The following HERC2 variants were observed in gnomAD, a reference collection of about 807,000 sequenced individuals.
The protein encoded by HERC2 is E3 ubiquitin-protein ligase HERC2.
A neutral mutation model predicts 537.7 loss-of-function variants in HERC2; 102 were observed. That is an observed-to-expected ratio of 0.19 (90% CI 0.16 to 0.22). The LOEUF (loss-of-function observed/expected upper bound fraction) is 0.22, where lower values mean the gene tolerates loss of function less well. Ranked by LOEUF, HERC2 falls within the 10% of genes least tolerant of loss-of-function variation. The pLI, the probability that HERC2 is intolerant of heterozygous loss-of-function variation, is 1.00. For synonymous variants in HERC2, 2,224 were observed against 2,466.2 expected (o/e 0.90, Z 2.91); for missense variants, 4,236 against 6,198.2 (o/e 0.68, Z 10.63).
At chr15:28,201,253 T>C (rs184920667) in intron 48 of HERC2, among the ~76,000 whole-genome samples, 1 of 152,338 alleles carries the variant, frequency 6.6e-6, no homozygotes, top group East Asian at 1.9e-4. Flanking sequence ...ACCCCTTTAC[T>C]GTAGTCTGTT....
intron 64 of HERC2, among the ~76,000 whole-genome samples, chr15:28,175,192 C>A (rs899493659): frequency 1.3e-5 from 2 of 151,370 alleles, no homozygotes; most frequent in African/African-American, 2.4e-5. Context: ...TCGCCAGTTA[C>A]CAATTCTCTA....
At chr15:28,316,837 C>G (rs1182648851) in intron 2 of HERC2, among the ~76,000 whole-genome samples, 1 of 152,132 alleles carries the variant, frequency 6.6e-6, no homozygotes, top group Non-Finnish European at 1.5e-5. Flanking sequence ...AGTGCAGTGG[C>G]GCGATCTCGG....
chr15:28,215,993 G>T (rs934903921), intron 38 of HERC2, among the ~76,000 whole-genome samples, 191 bp from the exon 39 acceptor site: 1 of 151,996 alleles, frequency 6.6e-6, no homozygotes, highest in African/African-American at 2.4e-5. Flanking sequence ...GTTAGTTCAA[G>T]AAACATTTCT....
intron 74 of HERC2, among the ~76,000 whole-genome samples, chr15:28,143,427 A>G (rs2142258640): frequency 6.6e-6 from 1 of 152,254 alleles, no homozygotes; most frequent in South Asian, 2.1e-4. Flanking sequence ...TGGATGGGAC[A>G]AAGGCCTCCT....
At chr15:28,272,185 C>G in intron 9 of HERC2, 30 bp downstream of exon 9, 1 of 1,554,030 alleles carries the variant, frequency 6.4e-7, no homozygotes, top group Non-Finnish European at 8.7e-7. Flanking sequence ...CGAGTGCCAC[C>G]TAAACACAAA....
Position 28,256,184 on chromosome 15 carries a change from G to A in HERC2, c.2651C>T (p.Ser884Leu), listed in dbSNP as rs753128660. ...ACTCTGCAGCACGGCCTGGGCGGCCGACTGCACGGTGCTCAGCACGCCCGC... is the reference window on the plus strand; with the variant it reads ...ACTCTGCAGCACGGCCTGGGCGGCCAACTGCACGGTGCTCAGCACGCCCGC... ...SSAGVLSTVQSAAQAVLQSGW... is the reference protein window; with the variant it reads ...SSAGVLSTVQLAAQAVLQSGW... The change falls in exon 18 of 93, where the codon TCG (serine) becomes TTG (leucine). Residue 884 changes from serine (S) to leucine (L), a missense_variant. By Grantham distance (145) the Ser-to-Leu change is moderately radical. Around this residue, in one of 27 missense-constraint regions of HERC2, gnomAD observed 754 missense variants for 1,085.0 expected, o/e 0.69. Coordinates refer to ENST00000261609, the MANE Select transcript of HERC2 (RefSeq NM_004667.6). 1.2e-5 allele frequency: 20 copies of A among 1,601,374 alleles called. No individual in the cohort carries two copies. The highest frequency in any genetic ancestry group is 2.2e-5 in the East Asian group (1 of 44,862).
At chr15:28,164,904 G>A (rs1893974970) in intron 68 of HERC2, among the ~76,000 whole-genome samples, 1 of 152,194 alleles carries the variant, frequency 6.6e-6, no homozygotes, top group South Asian at 2.1e-4. Context: ...CATAAATAGA[G>A]GCTTTCTTAC....
chr15:28,160,444 C>T (rs1309582320), intron 69 of HERC2, among the ~76,000 whole-genome samples: 1 of 152,186 alleles, frequency 6.6e-6, no homozygotes, highest in Non-Finnish European at 1.5e-5. Flanking sequence ...GGACGCCCCT[C>T]CCCCAGCCTG....
intron 2 of HERC2, among the ~76,000 whole-genome samples, chr15:28,306,430 C>T (rs1221300374): frequency 2.6e-5 from 4 of 152,206 alleles, no homozygotes; most frequent in Admixed American, 1.3e-4. Flanking sequence ...CCACTTTGGT[C>T]ATGATGAATG....
At position 28,185,954 on chromosome 15, in the gene HERC2, C is replaced by A. The variant is rs114774002; in HGVS notation, c.8825+623G>T. Reference sequence around the variant, plus strand: ...AAAGATGTTGAATGAATAAATACAACAACAGTCATCATCACAGTGCTCAGA... The same window carrying A: ...AAAGATGTTGAATGAATAAATACAAAAACAGTCATCATCACAGTGCTCAGA... On this transcript the variant is annotated intron_variant, in intron 56 of 92. Coordinates refer to ENST00000261609, the MANE Select transcript of HERC2 (RefSeq NM_004667.6). Among the ~76,000 whole-genome samples the A allele has an allele frequency of 1.8e-3, 276 of 152,236 alleles. 1 individual carries two copies. Among genetic ancestry groups the A allele is most frequent in the African/African-American group, 6.3e-3 (260 of 41,548 alleles).
Position 28,238,707 on chromosome 15 carries a change from A to G in HERC2, c.3643T>C (p.Leu1215=). ...EEVTLIRKAD[L]ENHNKDGGFW... is the part of the protein sequence containing the mutation. ...CCTCCATCTTTATTATGGTTCTCCA[A>G]ATCAGCTTTGCGTATAAGTGTCACT... The change falls in exon 24 of 93, where the codon TTG becomes CTG. Residue 1215 remains leucine, a synonymous_variant. Transcript: ENST00000261609. The G allele has an allele frequency of 6.2e-7, 1 of 1,611,612 alleles. No homozygotes were observed. Among genetic ancestry groups the G allele is most frequent in the Non-Finnish European group, 8.5e-7 (1 of 1,179,492 alleles).
At chr15:28,320,108 T>C (rs2077191933) in intron 2 of HERC2, 1 of 151,304 alleles carries the variant, frequency 6.6e-6, no homozygotes, top group South Asian at 2.1e-4. Flanking sequence ...AACAATCCCA[T>C]CATCCACAAC....
At chr15:28,136,842 T>G (rs1373681643) in intron 78 of HERC2, among the ~76,000 whole-genome samples, 2 of 152,176 alleles carry the variant, frequency 1.3e-5, no homozygotes, top group African/African-American at 4.8e-5. Context: ...AATGAAGATA[T>G]TTTGAAACAA....
intron 65 of HERC2, among the ~76,000 whole-genome samples, chr15:28,173,977 G>A (rs1047194752): frequency 7.9e-5 from 12 of 151,932 alleles, no homozygotes; most frequent in Non-Finnish European, 1.5e-4. Flanking sequence ...ATCTTTGATT[G>A]TGCTGATGCT....
rs545571820 is a variant in HERC2, at chr15:28,127,203, G to A, written c.12803-2010C>T. ...GTCCTAAAGCCACGAGGCGGGTGTC[G>A]CACACACAAGGTGAGGAGGGTGTCT... On this transcript the variant is annotated intron_variant, in intron 83 of 92. Coordinates refer to ENST00000261609, the MANE Select transcript of HERC2 (RefSeq NM_004667.6). Among the ~76,000 whole-genome samples, 113 of 152,346 alleles carry A rather than the reference G, an allele frequency of 7.4e-4. 2 individuals carry two copies. Among genetic ancestry groups the A allele is most frequent in the South Asian group, 5.0e-3 (24 of 4,832 alleles).
intron 23 of HERC2, among the ~76,000 whole-genome samples, chr15:28,242,823 A>G (rs187808579): frequency 1.7e-4 from 26 of 152,366 alleles, no homozygotes; most frequent in African/African-American, 6.3e-4. Flanking sequence ...CAAGTAATGC[A>G]GGAAAAGCAT....
At chr15:28,234,037 A>G in intron 27 of HERC2, 33 bp downstream of exon 27, 1 of 678,608 alleles carries the variant, frequency 1.5e-6, no homozygotes, top group South Asian at 1.6e-5. Flanking sequence ...TAAACAGAGC[A>G]CTGAGGTGGC....
chr15:28,191,997 G>A lies in HERC2; in HGVS notation c.8415C>T (p.Ser2805=), dbSNP rs773121895. The A allele has an allele frequency of 2.2e-5, 35 of 1,613,652 alleles. No individual in the cohort carries two copies. The highest frequency in any genetic ancestry group is 9.9e-5 in the South Asian group (9 of 91,056). The change falls in exon 53 of 93, where the codon AGC becomes AGT. Residue 2805 remains serine, a synonymous_variant. Transcript: ENST00000261609. ...ACCCCGATGACTGCCAGCAGGGCTC[G>A]CTGCCGTCAATGAGACGGGATGCCT... is the stretch of plus-strand genomic sequence containing the variant. ...VNQASRLIDG[S]EPCWQSSGSQ...
At chr15:28,299,747 A>G (rs1463364994) in intron 2 of HERC2, among the ~76,000 whole-genome samples, 1 of 152,200 alleles carries the variant, frequency 6.6e-6, no homozygotes, top group Admixed American at 6.5e-5. Context: ...CCTCTTATGT[A>G]ACATACAAGA....
Sources: gnomAD v4.1 joint callset for allele counts (sites outside exome capture counted in the v4.1 genomes callset) on GRCh38, gnomAD v4.1.1 for gene constraint, gnomAD v4.1.1 regional missense constraint, MANE v1.5 for transcripts, NCBI Gene and HGNC (gene_info 2026-07-23, HGNC 2026-07-21) for gene names.